DHX32: variants seen among roughly 807,000 people sequenced by gnomAD.
DHX32 encodes the protein DEAH-box helicase 32 (putative).
A neutral mutation model predicts 70.0 loss-of-function variants in DHX32; 51 were observed. The observed-to-expected ratio is 0.73, with a 90% confidence interval of 0.58 to 0.92. DHX32 has a LOEUF of 0.92. Among genes scored for constraint, DHX32 ranks in the 40% least tolerant of loss-of-function variants. The probability of loss-of-function intolerance (pLI) is 0.00; values close to 1 mark genes in which losing one functional copy is unlikely to be tolerated. For synonymous variants in DHX32, 310 were observed against 315.3 expected, an observed-to-expected ratio of 0.98 and a Z score of 0.18; for missense variants, 762 against 891.8, an observed-to-expected ratio of 0.85 and a Z score of 1.85.
chr10:125,885,263 G>A (rs1248777191), upstream of DHX32, among the ~76,000 whole-genome samples: 1 of 152,110 alleles, frequency 6.6e-6, no homozygotes, highest in Non-Finnish European at 1.5e-5. Context: ...GATGTGGTAT[G>A]TAGAATGGCC....
At chr10:125,887,224 C>T (rs997532656) in intron 1 of DHX32, among the ~76,000 whole-genome samples, 3 of 152,260 alleles carry the variant, frequency 2.0e-5, no homozygotes, top group African/African-American at 7.2e-5. Flanking sequence ...CCTGTTCAAC[C>T]AATACTTGAG....
At chr10:125,839,272 A>C in intron 8 of DHX32, 84 bp from the exon 9 acceptor site, 1 of 1,406,914 alleles carries the variant, frequency 7.1e-7, no homozygotes, top group Non-Finnish European at 9.8e-7. Flanking sequence ...GCCATCTTTA[A>C]GCCCTGTGCT....
intron 1 of DHX32, among the ~76,000 whole-genome samples, chr10:125,879,577 G>A (rs1944305210): frequency 6.6e-6 from 1 of 152,158 alleles, no homozygotes; most frequent in Admixed American, 6.5e-5. Context: ...CTAGAATGGG[G>A]CTCACTAACC....
intron 1 of DHX32, among the ~76,000 whole-genome samples, chr10:125,888,202 ATTTTTTTT>A (rs36204414): frequency 2.3e-5 from 3 of 132,822 alleles, no homozygotes; most frequent in African/African-American, 2.9e-5. Context: ...TGAGCAATGC[ATTTTTTTT>A]TTTTTTTTTT....
chr10:125,843,983 C>T (rs978406856), intron 6 of DHX32, among the ~76,000 whole-genome samples: 2 of 152,186 alleles, frequency 1.3e-5, no homozygotes, highest in Non-Finnish European at 2.9e-5. Context: ...AGATTTAAAA[C>T]TGAGCAGAAG....
At chr10:125,882,471 C>T (rs1944323059), upstream of DHX32, among the ~76,000 whole-genome samples, 1 of 151,064 alleles carries the variant, frequency 6.6e-6, no homozygotes, top group Admixed American at 6.6e-5. Flanking sequence ...TGAGTGTCTT[C>T]TAAGGGCTTA....
rs139500011 is a variant in DHX32 at position 125,876,767 on chromosome 10, A to G, written c.282+3776T>C. ...AGTTGTGTCAGATTAAAAAACGACAATAAAATACAATGCAATTTTAGATTG... is the reference window on the plus strand; with the variant it reads ...AGTTGTGTCAGATTAAAAAACGACAGTAAAATACAATGCAATTTTAGATTG... On this transcript the variant is annotated intron_variant, in intron 1 of 10. Transcript: ENST00000284690. Among the ~76,000 whole-genome samples, 67 of 152,384 alleles carry G rather than the reference A, an allele frequency of 4.4e-4. 1 individual carries two copies. Among genetic ancestry groups the G allele is most frequent in the African/African-American group, 1.6e-3 (67 of 41,596 alleles).
intron 2 of DHX32, among the ~76,000 whole-genome samples, chr10:125,860,787 G>A (rs1034248899): frequency 2.6e-5 from 3 of 114,852 alleles, no homozygotes; most frequent in African/African-American, 1.0e-4. Flanking sequence ...ATAGAGTCTC[G>A]CTCTGTCGCC....
chr10:125,878,362 A>C (rs563376333), intron 1 of DHX32, among the ~76,000 whole-genome samples: 4 of 152,248 alleles, frequency 2.6e-5, no homozygotes, highest in African/African-American at 9.6e-5. Context: ...ACATCGACTT[A>C]CATCTTCATA....
intron 6 of DHX32, among the ~76,000 whole-genome samples, chr10:125,848,977 G>C (rs1378134884): frequency 6.6e-6 from 1 of 152,208 alleles, no homozygotes; most frequent in Non-Finnish European, 1.5e-5. Flanking sequence ...AGCCCTGGCA[G>C]CCTGGCCCAA....
upstream of DHX32, among the ~76,000 whole-genome samples, chr10:125,883,922 T>TA (rs1479328442): frequency 2.0e-5 from 3 of 152,172 alleles, no homozygotes; most frequent in African/African-American, 7.2e-5. Flanking sequence ...TGTGGCCTCT[T>TA]ACCTTGTGAG....
chr10:125,838,133 C>A, intron 10 of DHX32, 73 bp downstream of exon 10: 1 of 1,414,708 alleles, frequency 7.1e-7, no homozygotes, highest in Non-Finnish European at 9.4e-7. Context: ...AGAATAAAAG[C>A]CAAATTTGTC....
chr10:125,836,553 A>G lies in DHX32; in HGVS notation c.*134T>C. 1 of 1,344,496 alleles carries G rather than the reference A, an allele frequency of 7.4e-7. No individual in the cohort carries two copies. The allele number at this position is 1,344,496 out of a possible 1,614,324, so 83.3% of individuals were successfully genotyped here. On this transcript the variant is annotated 3_prime_UTR_variant, in exon 11 of 11. Coordinates refer to ENST00000284690, the MANE Select transcript of DHX32 (RefSeq NM_018180.3). ...CTTCTATTTTTTATTTTAAAATAAT[A>G]TACACAGTGTTATTTTCTTCAAGAC...
upstream of DHX32, among the ~76,000 whole-genome samples, chr10:125,885,903 C>T (rs1410464805): frequency 6.6e-6 from 1 of 152,246 alleles, no homozygotes; most frequent in Non-Finnish European, 1.5e-5. Context: ...GGTCTCAAGC[C>T]TGCAGTCAGA....
intron 7 of DHX32, chr10:125,841,496 T>C: frequency 6.9e-7 from 1 of 1,451,710 alleles, no homozygotes; most frequent in South Asian, 1.5e-5. Context: ...AAATCTAGTA[T>C]GTTTTCATAC....
intron 6 of DHX32, among the ~76,000 whole-genome samples, chr10:125,843,281 A>G (rs1221548332): frequency 6.6e-6 from 1 of 152,084 alleles, no homozygotes; most frequent in Non-Finnish European, 1.5e-5. Context: ...ACATATGGTA[A>G]AAATTTTCTT....
rs1447897764 is a variant in DHX32, at chr10:125,877,241, C to T, written c.282+3302G>A. Among the ~76,000 whole-genome samples, 6 of 152,174 alleles carry T rather than the reference C, an allele frequency of 3.9e-5. No homozygotes were observed. The East Asian group carries it at 5.8e-4, about 15-fold the overall frequency. Reference sequence around the variant, plus strand: ...AAAATTATACTCAGTCAGTTCTCATCGTTAGCTTCTCGTAATGAACTGAAA... The same window carrying T: ...AAAATTATACTCAGTCAGTTCTCATTGTTAGCTTCTCGTAATGAACTGAAA... On this transcript the variant is annotated intron_variant, in intron 1 of 10. Coordinates refer to ENST00000284690, the MANE Select transcript of DHX32 (RefSeq NM_018180.3).
upstream of DHX32, among the ~76,000 whole-genome samples, chr10:125,882,806 C>T (rs935025682): frequency 2.0e-5 from 3 of 152,288 alleles, no homozygotes; most frequent in African/African-American, 7.2e-5. Flanking sequence ...TTGAGATCAT[C>T]GCACAAGCTA....
chr10:125,882,249 T>C (rs1564832723), upstream of DHX32, among the ~76,000 whole-genome samples: 2 of 152,228 alleles, frequency 1.3e-5, no homozygotes, highest in South Asian at 2.1e-4. Flanking sequence ...AAAAGAAAAC[T>C]CAAGTTAAAA....
Sources: allele counts gnomAD v4.1 joint callset (sites outside exome capture counted in the v4.1 genomes callset), GRCh38; gene constraint gnomAD v4.1.1; transcripts MANE v1.5; gene names NCBI Gene and HGNC (gene_info 2026-07-23, HGNC 2026-07-21).